NOPCHAP1: variants seen among roughly 807,000 people sequenced by gnomAD.
NOPCHAP1 encodes DNA damage-sensitive RNA 1.
Under a neutral mutation model 14.0 loss-of-function variants are expected in NOPCHAP1, and 13 were observed. That is an observed-to-expected ratio of 0.93 (90% CI 0.60 to 1.47). The LOEUF (loss-of-function observed/expected upper bound fraction) is 1.47, where lower values mean the gene tolerates loss of function less well. NOPCHAP1 is among the 40% of genes most tolerant of loss of function. NOPCHAP1 has a pLI of 0.00. For synonymous variants in NOPCHAP1, 78 were observed against 78.4 expected (o/e 1.00, Z 0.03); for missense variants, 230 against 226.9 (o/e 1.01, Z -0.09).
Position 105,007,752 on chromosome 12 carries a change from T to G in NOPCHAP1, c.*13056T>G, listed in dbSNP as rs1044617574. 1 of 151,562 alleles carries G rather than the reference T, an allele frequency of 6.6e-6. No homozygotes were observed. The highest frequency in any genetic ancestry group is 6.6e-5 in the Admixed American group (1 of 15,182). 9.4% of individuals were successfully genotyped at this position (151,562 alleles called of 1,614,324 possible). On this transcript the variant is annotated 3_prime_UTR_variant, in exon 4 of 4. Coordinates refer to ENST00000552951, the MANE Select transcript of NOPCHAP1 (RefSeq NM_152318.3). ...ACTCCCACTTAGGAGTGAGAACATGTGATGTTTGGTTTTCTGTTCCTGTGT... is the reference window on the plus strand; with the variant it reads ...ACTCCCACTTAGGAGTGAGAACATGGGATGTTTGGTTTTCTGTTCCTGTGT...
At position 104,996,357 on chromosome 12, in the gene NOPCHAP1, T is replaced by C. The variant is rs532587596; in HGVS notation, c.*1661T>C. On this transcript the variant is annotated 3_prime_UTR_variant, in exon 4 of 4. Transcript: ENST00000552951. ...TTTTAAAAAGATGTTTTACATTTTA[T>C]TATTTTCATTTTTTTTTTTTTTAAC... is the stretch of plus-strand genomic sequence containing the variant. 6.6e-6 allele frequency: 1 copy of C among 151,584 alleles called. No individual in the cohort carries two copies. Among genetic ancestry groups the C allele is most frequent in the African/African-American group, 2.4e-5 (1 of 41,042 alleles). 9.4% of individuals were successfully genotyped at this position (151,584 alleles called of 1,614,324 possible).
At position 104,991,745 on chromosome 12, in the gene NOPCHAP1, TGG is replaced by T; in HGVS notation, c.237_238del (p.Met79IlefsTer5). 2 of 1,613,728 alleles carry T rather than the reference TGG, an allele frequency of 1.2e-6. No homozygotes were observed. On this transcript the variant is annotated frameshift_variant, in exon 3 of 4. Transcript: ENST00000552951. LOFTEE classifies it high-confidence loss of function. ...CAGGTACAGACATTTCTCCCACAGA[TGG>T]CACGGGCAAATGAAAAGCTAAGAAA...
At chr12:104,991,953 A>G in intron 3 of NOPCHAP1, 105 bp downstream of exon 3, 1 of 1,343,250 alleles carries the variant, frequency 7.4e-7, no homozygotes, top group South Asian at 1.6e-5. Context: ...TCCTGGTGTT[A>G]GCTCATGTTT....
At chr12:104,990,352 T>C (rs1873344935) in intron 2 of NOPCHAP1, among the ~76,000 whole-genome samples, 2 of 152,242 alleles carry the variant, frequency 1.3e-5, no homozygotes, top group African/African-American at 2.4e-5. Context: ...CCAGATTTTC[T>C]ATCTGTAGCA....
rs536388062 is a variant in NOPCHAP1, at chr12:105,001,394, T to C, written c.*6698T>C. Reference sequence around the variant, plus strand: ...GCAGTAGAAATGTACCACCTAAAATTTGGATTATCTTTCCAGGATTATGAG... The same window carrying C: ...GCAGTAGAAATGTACCACCTAAAATCTGGATTATCTTTCCAGGATTATGAG... On this transcript the variant is annotated 3_prime_UTR_variant, in exon 4 of 4. Coordinates refer to ENST00000552951, the MANE Select transcript of NOPCHAP1 (RefSeq NM_152318.3). 3 of 152,332 alleles carry C rather than the reference T, an allele frequency of 2.0e-5. No individual in the cohort carries two copies. In the South Asian group the frequency reaches 6.2e-4, roughly 32 times the overall value. 9.4% of individuals were successfully genotyped at this position (152,332 alleles called of 1,614,324 possible). A position where few individuals can be genotyped will look rare whatever the true frequency, so the allele number is the denominator to read the frequency against.
At chr12:104,990,624 G>A (rs1453142917) in intron 2 of NOPCHAP1, among the ~76,000 whole-genome samples, 1 of 152,156 alleles carries the variant, frequency 6.6e-6, no homozygotes, top group Non-Finnish European at 1.5e-5. Flanking sequence ...TAAGTTTTGA[G>A]AGTCTGTTAT....
rs1873600872 is a variant in NOPCHAP1, at chr12:105,001,129, G to A, written c.*6433G>A. 6.6e-6 allele frequency: 1 copy of A among 151,998 alleles called. No individual in the cohort carries two copies. Among genetic ancestry groups the A allele is most frequent in the Non-Finnish European group, 1.5e-5 (1 of 68,000 alleles). 9.4% of individuals were successfully genotyped at this position (151,998 alleles called of 1,614,324 possible). ...GTAATACCATTGTGTTCGATTAACT[G>A]TTTTAGCTGTTTTATAACTTGTCCA... On this transcript the variant is annotated 3_prime_UTR_variant, in exon 4 of 4. Coordinates refer to ENST00000552951, the MANE Select transcript of NOPCHAP1 (RefSeq NM_152318.3).
Position 105,008,685 on chromosome 12 carries a change from T to C in NOPCHAP1, c.*13989T>C, listed in dbSNP as rs1373744786. 1 of 152,216 alleles carries C rather than the reference T, an allele frequency of 6.6e-6. No homozygotes were observed. Among genetic ancestry groups the C allele is most frequent in the African/African-American group, 2.4e-5 (1 of 41,456 alleles). The allele number at this position is 152,216 out of a possible 1,614,324, so 9.4% of individuals were successfully genotyped here. A position where few individuals can be genotyped will look rare whatever the true frequency, so the allele number is the denominator to read the frequency against. ...TAAGGTGTAAGAAAGGGGTCCAGTT[T>C]CAGTTTTCTGCATATGGCTAGCCAG... On this transcript the variant is annotated 3_prime_UTR_variant, in exon 4 of 4. Coordinates refer to ENST00000552951, the MANE Select transcript of NOPCHAP1 (RefSeq NM_152318.3).
rs1318751903 is a variant in NOPCHAP1 at position 105,000,970 on chromosome 12, A to C, written c.*6274A>C. 3 of 151,038 alleles carry C rather than the reference A, an allele frequency of 2.0e-5. No homozygotes were observed. The highest frequency in any genetic ancestry group is 4.4e-5 in the Non-Finnish European group (3 of 67,786). The allele number at this position is 151,038 out of a possible 1,614,324, so 9.4% of individuals were successfully genotyped here. On this transcript the variant is annotated 3_prime_UTR_variant, in exon 4 of 4. Coordinates refer to ENST00000552951, the MANE Select transcript of NOPCHAP1 (RefSeq NM_152318.3). The stretch of plus-strand genomic sequence containing the variant: ...TTGTATTTTCTGTTGGGGTGGATCT[A>C]GTTGCCCATAAGGCCAATGGTAATA...
At position 105,009,968 on chromosome 12, in the gene NOPCHAP1, G is replaced by T. The variant is rs1565942293; in HGVS notation, c.*15272G>T. On this transcript the variant is annotated 3_prime_UTR_variant, in exon 4 of 4. Coordinates refer to ENST00000552951, the MANE Select transcript of NOPCHAP1 (RefSeq NM_152318.3). ...TGCCAGGTTTTGGTATCACGATGAT[G>T]CTGGTGTCATAAAATGAATTAGGGA... 1 of 152,144 alleles carries T rather than the reference G, an allele frequency of 6.6e-6. No individual in the cohort carries two copies. Among genetic ancestry groups the T allele is most frequent in the Non-Finnish European group, 1.5e-5 (1 of 68,010 alleles). 9.4% of individuals were successfully genotyped at this position (152,144 alleles called of 1,614,324 possible). A position where few individuals can be genotyped will look rare whatever the true frequency, so the allele number is the denominator to read the frequency against.
Position 104,986,335 on chromosome 12 carries a change from T to G in NOPCHAP1, c.-18T>G, listed in dbSNP as rs753519520. The stretch of plus-strand genomic sequence containing the variant: ...TTTTTCCTGCATCCGGGCCTGAGAG[T>G]GCAGGCTTGAGGGAAGCATGGAGGT... On this transcript the variant is annotated 5_prime_UTR_variant, in exon 1 of 4. Coordinates refer to ENST00000552951, the MANE Select transcript of NOPCHAP1 (RefSeq NM_152318.3). 8 of 1,591,784 alleles carry G rather than the reference T, an allele frequency of 5.0e-6. No individual in the cohort carries two copies. Among genetic ancestry groups the G allele is most frequent in the Non-Finnish European group, 6.8e-6 (8 of 1,167,970 alleles).
intron 2 of NOPCHAP1, among the ~76,000 whole-genome samples, chr12:104,988,732 G>A (rs1050155962): frequency 6.6e-6 from 1 of 152,006 alleles, no homozygotes; most frequent in Non-Finnish European, 1.5e-5. Flanking sequence ...TGCCCTCTAT[G>A]TAATTCACTC....
In NOPCHAP1 at chr12:105,000,797, T is replaced by G. The variant is rs1454902981; in HGVS notation, c.*6101T>G. ...TTGATAGATCGTGAAAGGCTTTTTTTTTAACCTGGTGAAAATATACTTTGG... is the reference window on the plus strand; with the variant it reads ...TTGATAGATCGTGAAAGGCTTTTTTGTTAACCTGGTGAAAATATACTTTGG... On this transcript the variant is annotated 3_prime_UTR_variant, in exon 4 of 4. Transcript: ENST00000552951. 2 of 152,082 alleles carry G rather than the reference T, an allele frequency of 1.3e-5. No individual in the cohort carries two copies. Among genetic ancestry groups the G allele is most frequent in the East Asian group, 3.9e-4 (2 of 5,184 alleles). The allele number at this position is 152,082 out of a possible 1,614,324, so 9.4% of individuals were successfully genotyped here.
intron 1 of NOPCHAP1, among the ~76,000 whole-genome samples, chr12:104,987,102 A>AT (rs1385206380): frequency 6.6e-6 from 1 of 152,204 alleles, no homozygotes; most frequent in Non-Finnish European, 1.5e-5. Flanking sequence ...TGCCTGTAGA[A>AT]TTTTTGTGAG....
chr12:105,012,126 C>G lies in NOPCHAP1; in HGVS notation c.*17430C>G, dbSNP rs1401974664. 6.6e-6 allele frequency: 1 copy of G among 152,210 alleles called. No homozygotes were observed. The highest frequency in any genetic ancestry group is 2.1e-4 in the South Asian group (1 of 4,836). The allele number at this position is 152,210 out of a possible 1,614,324, so 9.4% of individuals were successfully genotyped here. A position where few individuals can be genotyped will look rare whatever the true frequency, so the allele number is the denominator to read the frequency against. ...ATTCTCCCTGTCACTTTCAGGTACA[C>G]CAATCAAACGTAGGCTAGGTCTTTT... On this transcript the variant is annotated 3_prime_UTR_variant, in exon 4 of 4. Transcript: ENST00000552951.
chr12:105,012,424 G>A lies in NOPCHAP1; in HGVS notation c.*17728G>A, dbSNP rs908099223. The A allele has an allele frequency of 6.6e-6, 1 of 152,114 alleles. No individual in the cohort carries two copies. The highest frequency in any genetic ancestry group is 2.4e-5 in the African/African-American group (1 of 41,408). 9.4% of individuals were successfully genotyped at this position (152,114 alleles called of 1,614,324 possible). On this transcript the variant is annotated 3_prime_UTR_variant, in exon 4 of 4. Transcript: ENST00000552951. Reference sequence around the variant, plus strand: ...AAGGTTCTTAGCTTCCTTGCATTGGGTTAGAACATGCTCCTTTAGCTCGGA... The same window carrying A: ...AAGGTTCTTAGCTTCCTTGCATTGGATTAGAACATGCTCCTTTAGCTCGGA...
Position 104,988,359 on chromosome 12 carries a change from C to A in NOPCHAP1, c.202+106C>A. 3.9e-6 allele frequency: 3 copies of A among 775,474 alleles called. No individual in the cohort carries two copies. The East Asian group carries it at 8.2e-5, about 21-fold the overall frequency. The allele number at this position is 775,474 out of a possible 1,614,324, so 48.0% of individuals were successfully genotyped here. On this transcript the variant is annotated intron_variant, in intron 2 of 3. Transcript: ENST00000552951. ...TGTCAGGTATCAAACCACAGATAGT[C>A]CAGTGGAACAAGTCCTACTTGGGAT...
At chr12:104,991,977 G>C in intron 3 of NOPCHAP1, 129 bp downstream of exon 3, 1 of 1,089,424 alleles carries the variant, frequency 9.2e-7, no homozygotes, top group African/African-American at 1.6e-5. Flanking sequence ...ATGTTGTATA[G>C]GTACATAGTC....
rs1435829925 is a variant in NOPCHAP1 at position 104,996,308 on chromosome 12, C to G, written c.*1612C>G. The stretch of plus-strand genomic sequence containing the variant: ...CTCCTGAACAAGGTCCAGGAGGAAA[C>G]TTACTTTTTTATAGTTCCCCTCCTT... On this transcript the variant is annotated 3_prime_UTR_variant, in exon 4 of 4. Transcript: ENST00000552951. 2.0e-5 allele frequency: 3 copies of G among 151,966 alleles called. No individual in the cohort carries two copies. Among genetic ancestry groups the G allele is most frequent in the African/African-American group, 7.3e-5 (3 of 41,346 alleles). The allele number at this position is 151,966 out of a possible 1,614,324, so 9.4% of individuals were successfully genotyped here. A position where few individuals can be genotyped will look rare whatever the true frequency, so the allele number is the denominator to read the frequency against.
Sources: gnomAD v4.1 joint callset for allele counts (sites outside exome capture counted in the v4.1 genomes callset) on GRCh38, gnomAD v4.1.1 for gene constraint, MANE v1.5 for transcripts, NCBI Gene and HGNC (gene_info 2026-07-23, HGNC 2026-07-21) for gene names.